TENM3: variants seen among roughly 807,000 people sequenced by gnomAD.
TENM3 encodes teneurin transmembrane protein 3.
Under a neutral mutation model 255.1 loss-of-function variants are expected in TENM3, and 63 were observed. That is an observed-to-expected ratio of 0.25 (90% CI 0.20 to 0.30). TENM3 has a LOEUF of 0.30. TENM3 is among the 10% of genes least tolerant of loss of function. TENM3 has a pLI of 1.00. For synonymous variants in TENM3, 1,306 were observed against 1,322.3 expected (o/e 0.99, Z 0.27); for missense variants, 2,929 against 3,461.1 (o/e 0.85, Z 3.86).
chr4:182,191,951 G>T (rs923646092), intron 1 of TENM3, among the ~76,000 whole-genome samples: 9 of 152,044 alleles, frequency 5.9e-5, no homozygotes, highest in Non-Finnish European at 1.3e-4. Flanking sequence ...CATAATTACC[G>T]TTTTAGAGCA....
the TENM3 span, among the ~76,000 whole-genome samples, chr4:181,842,369 T>C: frequency 2.0e-5 from 3 of 152,214 alleles, no homozygotes; most frequent in African/African-American, 7.2e-5. Flanking sequence ...ATTTAAAATA[T>C]CTAATTCTAT....
chr4:182,546,808 G>A (rs890524773), intron 3 of TENM3, among the ~76,000 whole-genome samples: 1 of 152,104 alleles, frequency 6.6e-6, no homozygotes, highest in African/African-American at 2.4e-5. Context: ...GTGTCCAAGA[G>A]TTAATCTGTT....
the TENM3 span, among the ~76,000 whole-genome samples, chr4:181,491,744 T>A: frequency 6.6e-6 from 1 of 152,114 alleles, no homozygotes; most frequent in Non-Finnish European, 1.5e-5. Flanking sequence ...TTAAAATACA[T>A]TATTCTATGT....
intron 3 of TENM3, among the ~76,000 whole-genome samples, chr4:182,578,204 T>C (rs1745128829): frequency 6.6e-6 from 1 of 152,134 alleles, no homozygotes; most frequent in Admixed American, 6.5e-5. Flanking sequence ...CTCAAACTTC[T>C]GACCTCGTGA....
chr4:182,148,223 C>G (rs4861498), intron 1 of TENM3, among the ~76,000 whole-genome samples: 77,821 of 151,832 alleles, frequency 0.51, 20,144 homozygotes, highest in East Asian at 0.65. Context: ...ATACAGCATT[C>G]CACAATGGAT....
chr4:182,310,526 A>G (rs536459541), intron 1 of TENM3, among the ~76,000 whole-genome samples: 1 of 152,286 alleles, frequency 6.6e-6, no homozygotes, highest in African/African-American at 2.4e-5. Flanking sequence ...CATTCCCAGT[A>G]GTTTCACCAG....
At chr4:181,617,342 C>T in the TENM3 span, among the ~76,000 whole-genome samples, 40 of 152,068 alleles carry the variant, frequency 2.6e-4, no homozygotes, top group African/African-American at 8.2e-4. Context: ...TTTCAGTAGG[C>T]GTCATGAAGT....
chr4:181,534,476 C>A, the TENM3 span, among the ~76,000 whole-genome samples: 20 of 151,906 alleles, frequency 1.3e-4, no homozygotes, highest in African/African-American at 1.9e-4. Flanking sequence ...TCCCCCCCCC[C>A]ACAGAAAAAT....
chr4:182,059,777 A>AG, the TENM3 span, among the ~76,000 whole-genome samples: 1 of 145,516 alleles, frequency 6.9e-6, no homozygotes, highest in South Asian at 2.1e-4. Flanking sequence ...AAAAAAAAAA[A>AG]GAAAAATTCA....
chr4:182,033,423 T>G, the TENM3 span, among the ~76,000 whole-genome samples: 2 of 152,218 alleles, frequency 1.3e-5, no homozygotes, highest in African/African-American at 4.8e-5. Context: ...ATGATTTCAG[T>G]TCTTTTGCAT....
At chr4:182,661,156 C>T (rs1239211326) in intron 6 of TENM3, among the ~76,000 whole-genome samples, 1 of 148,660 alleles carries the variant, frequency 6.7e-6, no homozygotes, top group African/African-American at 2.5e-5. Flanking sequence ...ATTTATGCTG[C>T]TTAAACAAAA....
the TENM3 span, among the ~76,000 whole-genome samples, chr4:181,652,569 G>A: frequency 2.6e-5 from 4 of 152,096 alleles, no homozygotes; most frequent in Admixed American, 2.6e-4. Flanking sequence ...TTAATCCCAC[G>A]TTGGACTGCA....
chr4:181,549,398 C>A, the TENM3 span, among the ~76,000 whole-genome samples: 1 of 152,284 alleles, frequency 6.6e-6, no homozygotes, highest in Admixed American at 6.5e-5. Flanking sequence ...TAGTACTTTT[C>A]CCTGCACGCA....
chr4:182,265,343 A>C (rs1191424262), intron 1 of TENM3, among the ~76,000 whole-genome samples: 2 of 152,168 alleles, frequency 1.3e-5, no homozygotes, highest in Non-Finnish European at 2.9e-5. Context: ...GCTACCTGGA[A>C]GATAAGGAAC....
At chr4:182,477,390 G>A (rs1733777893) in intron 3 of TENM3, among the ~76,000 whole-genome samples, 1 of 152,098 alleles carries the variant, frequency 6.6e-6, no homozygotes, top group African/African-American at 2.4e-5. Context: ...GACCCTGCAA[G>A]ACCCTGGCAG....
intron 1 of TENM3, among the ~76,000 whole-genome samples, chr4:182,198,904 C>T (rs1383071933): frequency 6.6e-6 from 1 of 152,082 alleles, no homozygotes; most frequent in Admixed American, 6.6e-5. Context: ...GAGGCCTTCC[C>T]ATAGAAGAAG....
At chr4:182,080,133 T>C in the TENM3 span, among the ~76,000 whole-genome samples, 3 of 152,242 alleles carry the variant, frequency 2.0e-5, no homozygotes, top group Non-Finnish European at 4.4e-5. Flanking sequence ...TCTTGCAATA[T>C]GCTGATCCTC....
chr4:181,951,963 T>A, the TENM3 span, among the ~76,000 whole-genome samples: 3 of 152,220 alleles, frequency 2.0e-5, no homozygotes, highest in African/African-American at 7.2e-5. Flanking sequence ...TAGTGGGATA[T>A]GTTTTGTTTT....
rs906301308 is a variant in TENM3, at chr4:182,419,914, T to G, written c.511+72985T>G. On this transcript the variant is annotated intron_variant, in intron 3 of 27. Transcript: ENST00000511685. ...GGATAGCATTAGGAGATATACGTAA[T>G]GTAAATGACGAGTTAACAGGTGCAG... Among the ~76,000 whole-genome samples the G allele has an allele frequency of 6.6e-5, 10 of 151,988 alleles. No individual in the cohort carries two copies. The South Asian group carries it at 8.4e-4, about 13-fold the overall frequency.
Sources: gnomAD v4.1 joint callset for allele counts (sites outside exome capture counted in the v4.1 genomes callset) on GRCh38, gnomAD v4.1.1 for gene constraint, MANE v1.5 for transcripts, NCBI Gene and HGNC (gene_info 2026-07-23, HGNC 2026-07-21) for gene names.